Variants in KCND2 observed in about 807,000 individuals in gnomAD.
KCND2 encodes the protein potassium voltage-gated channel subfamily D member 2.
In KCND2, 16 loss-of-function variants were observed where a neutral mutation model predicts 54.4. That is an observed-to-expected ratio of 0.29 (90% CI 0.20 to 0.45). The LOEUF (loss-of-function observed/expected upper bound fraction) is 0.45, where lower values mean the gene tolerates loss of function less well. KCND2 is among the 20% of genes least tolerant of loss of function. The pLI is 1.00. For missense variants in KCND2, 486 were observed against 824.2 expected, an observed-to-expected ratio of 0.59 and a Z score of 5.02; for synonymous variants, 317 against 310.7, an observed-to-expected ratio of 1.02 and a Z score of -0.21.
At chr7:120,667,857 T>A (rs1322924848) in intron 1 of KCND2, among the ~76,000 whole-genome samples, 1 of 152,028 alleles carries the variant, frequency 6.6e-6, no homozygotes, top group African/African-American at 2.4e-5. Flanking sequence ...CTCAGGTTTT[T>A]TTCCCTCACA....
At chr7:120,282,365 G>A (rs893497436) in intron 1 of KCND2, among the ~76,000 whole-genome samples, 4 of 152,112 alleles carry the variant, frequency 2.6e-5, no homozygotes, top group African/African-American at 9.7e-5. Context: ...AAATGACATA[G>A]GAGATAGATG....
chr7:120,282,085 A>G (rs1331375167), intron 1 of KCND2, among the ~76,000 whole-genome samples: 1 of 152,122 alleles, frequency 6.6e-6, no homozygotes, highest in African/African-American at 2.4e-5. Flanking sequence ...GTCCAGGTAA[A>G]TTGCGGATGC....
intron 1 of KCND2, among the ~76,000 whole-genome samples, chr7:120,338,859 T>C (rs957443621): frequency 1.3e-5 from 2 of 151,984 alleles, no homozygotes; most frequent in Non-Finnish European, 2.9e-5. Context: ...AAAAGAGACC[T>C]GGTGTCACAT....
chr7:120,487,321 C>G (rs1193982612), intron 1 of KCND2, among the ~76,000 whole-genome samples: 1 of 150,818 alleles, frequency 6.6e-6, no homozygotes, highest in African/African-American at 2.4e-5. Context: ...ATAACCAAAG[C>G]TTAGGATAGA....
chr7:120,409,244 C>G (rs1302749886), intron 1 of KCND2, among the ~76,000 whole-genome samples: 3 of 151,824 alleles, frequency 2.0e-5, no homozygotes, highest in African/African-American at 7.2e-5. Flanking sequence ...GATATTTAAC[C>G]ACTGTGTGCC....
chr7:120,544,153 T>C (rs544061365), intron 1 of KCND2, among the ~76,000 whole-genome samples: 88 of 152,102 alleles, frequency 5.8e-4, no homozygotes, highest in African/African-American at 1.9e-3. Context: ...AAGATGTTTT[T>C]ATTGAGACAG....
intron 1 of KCND2, among the ~76,000 whole-genome samples, chr7:120,663,905 A>G (rs7809109): frequency 0.14 from 22,006 of 152,118 alleles, 1,754 homozygotes; most frequent in African/African-American, 0.17. Context: ...GGCACATTAG[A>G]GTACTTGTGC....
intron 1 of KCND2, among the ~76,000 whole-genome samples, chr7:120,610,258 A>G (rs1048635148): frequency 8.5e-5 from 13 of 152,160 alleles, no homozygotes; most frequent in Admixed American, 1.3e-4. Flanking sequence ...GGGCTCCCTG[A>G]GGATTACAGA....
At chr7:120,489,515 C>T (rs377261519) in intron 1 of KCND2, among the ~76,000 whole-genome samples, 10 of 152,202 alleles carry the variant, frequency 6.6e-5, no homozygotes, top group African/African-American at 2.4e-4. Flanking sequence ...CACAGAAATC[C>T]TGTGTTCATT....
At chr7:120,339,512 T>C (rs1477705948) in intron 1 of KCND2, among the ~76,000 whole-genome samples, 1 of 17,490 alleles carries the variant, frequency 5.7e-5, no homozygotes, top group Non-Finnish European at 4.1e-4. Context: ...GCTGTGTGTG[T>C]GTGTGTGTGT....
At chr7:120,284,612 A>G (rs1173584184) in intron 1 of KCND2, among the ~76,000 whole-genome samples, 1 of 152,178 alleles carries the variant, frequency 6.6e-6, no homozygotes, top group East Asian at 1.9e-4. Context: ...TATTAGAGTC[A>G]TGGAATTTTG....
intron 1 of KCND2, among the ~76,000 whole-genome samples, chr7:120,695,374 T>C (rs1277439321): frequency 3.9e-5 from 6 of 152,096 alleles, no homozygotes; most frequent in African/African-American, 7.2e-5. Context: ...TATTTGGCAA[T>C]AGAAAACATG....
intron 1 of KCND2, among the ~76,000 whole-genome samples, chr7:120,713,489 G>A (rs1000443523): frequency 6.6e-6 from 1 of 152,174 alleles, no homozygotes; most frequent in Non-Finnish European, 1.5e-5. Context: ...TCACAGTCAT[G>A]TTCCTTCAAA....
chr7:120,517,112 G>A (rs989942350), intron 1 of KCND2, among the ~76,000 whole-genome samples: 10 of 152,014 alleles, frequency 6.6e-5, no homozygotes, highest in African/African-American at 2.4e-4. Context: ...TATTGACTAT[G>A]CAATTACTTT....
At chr7:120,539,870 T>A (rs1791958750) in intron 1 of KCND2, among the ~76,000 whole-genome samples, 1 of 152,182 alleles carries the variant, frequency 6.6e-6, no homozygotes, top group South Asian at 2.1e-4. Context: ...TATCTGCTAC[T>A]TTGTATCCTT....
chr7:120,574,164 A>G (rs1792398622), intron 1 of KCND2, among the ~76,000 whole-genome samples: 1 of 152,188 alleles, frequency 6.6e-6, no homozygotes, highest in African/African-American at 2.4e-5. Context: ...AAAGGATACA[A>G]TTTTATTTTT....
intron 1 of KCND2, among the ~76,000 whole-genome samples, chr7:120,720,533 T>C (rs1584895779): frequency 6.6e-6 from 1 of 152,124 alleles, no homozygotes; most frequent in South Asian, 2.1e-4. Context: ...TCCTGCCAGT[T>C]GTGCCAGTGG....
intron 1 of KCND2, among the ~76,000 whole-genome samples, chr7:120,402,657 A>C (rs1563034632): frequency 6.6e-6 from 1 of 152,134 alleles, no homozygotes; most frequent in Non-Finnish European, 1.5e-5. Context: ...AAGATGATTC[A>C]TTTTGTTTCT....
chr7:120,678,759 T>C lies in KCND2; in HGVS notation c.1116-54144T>C, dbSNP rs868294209. Among the ~76,000 whole-genome samples the C allele has an allele frequency of 6.0e-5, 8 of 133,088 alleles. No individual in the cohort carries two copies. In the South Asian group the frequency reaches 1.8e-3, roughly 30 times the overall value. 87.3% of individuals were successfully genotyped at this position (133,088 alleles called of 152,430 possible). A position where few individuals can be genotyped will look rare whatever the true frequency, so the allele number is the denominator to read the frequency against. On this transcript the variant is annotated intron_variant, in intron 1 of 5. Transcript: ENST00000331113. ...GAGTGTATATATATATATATATATA[T>C]ATATATATATATATATATACACATA...
Sources: gnomAD v4.1 joint callset for allele counts (sites outside exome capture counted in the v4.1 genomes callset) on GRCh38, gnomAD v4.1.1 for gene constraint, MANE v1.5 for transcripts, NCBI Gene and HGNC (gene_info 2026-07-23, HGNC 2026-07-21) for gene names.